The following MAGI2 variants were observed in gnomAD, a reference collection of about 807,000 sequenced individuals.
MAGI2 encodes membrane associated guanylate kinase, WW and PDZ domain containing 2.
In MAGI2, 35 loss-of-function variants were observed where a neutral mutation model predicts 133.3. The observed-to-expected ratio is 0.26, with a 90% CI of 0.20 to 0.35. MAGI2 has a LOEUF of 0.35. Among genes scored for constraint, MAGI2 ranks in the 10% least tolerant of loss-of-function variants. MAGI2 has a pLI of 1.00. For synonymous variants in MAGI2, 729 were observed against 710.6 expected (o/e 1.03, Z -0.41); for missense variants, 1,636 against 1,863.4 (o/e 0.88, Z 2.25).
At chr7:78,152,696 G>A (rs917619887) in intron 16 of MAGI2, among the ~76,000 whole-genome samples, 2 of 152,022 alleles carry the variant, frequency 1.3e-5, no homozygotes, top group Non-Finnish European at 2.9e-5. Flanking sequence ...GCTTATCTTC[G>A]GCTTCAATTA....
At chr7:78,703,630 T>C (rs1020595394) in intron 2 of MAGI2, among the ~76,000 whole-genome samples, 3 of 152,042 alleles carry the variant, frequency 2.0e-5, no homozygotes, top group Admixed American at 1.3e-4. Flanking sequence ...CACAAGCCAA[T>C]TGCTTCAAAT....
At chr7:79,353,808 T>C in intron 1 of MAGI2, 1 of 221,652 alleles carries the variant, frequency 4.5e-6, no homozygotes, top group South Asian at 6.2e-5. Flanking sequence ...TTTCACTGGG[T>C]GCTGGCAGGG....
At chr7:78,872,451 A>C (rs1795106811) in intron 2 of MAGI2, among the ~76,000 whole-genome samples, 1 of 152,166 alleles carries the variant, frequency 6.6e-6, no homozygotes, top group South Asian at 2.1e-4. Context: ...GCATTTGCTC[A>C]ATTCAACATA....
intron 20 of MAGI2, among the ~76,000 whole-genome samples, chr7:78,093,043 G>GGA (rs952922092): frequency 6.7e-6 from 1 of 149,254 alleles, no homozygotes; most frequent in Admixed American, 6.8e-5. Context: ...GGCTGAGGCA[G>GGA]GAGAATGGCG....
At chr7:78,419,033 C>G (rs1350456142) in intron 6 of MAGI2, among the ~76,000 whole-genome samples, 1 of 152,026 alleles carries the variant, frequency 6.6e-6, no homozygotes, top group African/African-American at 2.4e-5. Flanking sequence ...GACAGTTAGG[C>G]TATACATAAA....
intron 2 of MAGI2, among the ~76,000 whole-genome samples, chr7:78,719,521 T>C (rs1820051890): frequency 6.6e-6 from 1 of 152,196 alleles, no homozygotes; most frequent in African/African-American, 2.4e-5. Flanking sequence ...AACCACTACG[T>C]TTAAAAAAAT....
At chr7:78,723,368 T>C (rs911957683) in intron 2 of MAGI2, among the ~76,000 whole-genome samples, 16 of 152,182 alleles carry the variant, frequency 1.1e-4, no homozygotes, top group African/African-American at 3.9e-4. Context: ...CTAACACATT[T>C]GTAAGTGTGG....
At chr7:79,443,256 T>C (rs544338617) in intron 1 of MAGI2, among the ~76,000 whole-genome samples, 90 of 145,618 alleles carry the variant, frequency 6.2e-4, no homozygotes, top group Admixed American at 1.1e-3. Flanking sequence ...TGAACCTTAG[T>C]GTTTGAAGTG....
intron 6 of MAGI2, among the ~76,000 whole-genome samples, chr7:78,462,520 T>G (rs145686413): frequency 6.6e-6 from 1 of 152,200 alleles, no homozygotes; most frequent in Non-Finnish European, 1.5e-5. Flanking sequence ...TATTGCCATA[T>G]CTAGCAGTAT....
chr7:78,474,069 C>T lies in MAGI2; in HGVS notation c.1045+15692G>A, dbSNP rs79134179. Among the ~76,000 whole-genome samples the T allele has an allele frequency of 8.1e-3, 1,237 of 152,112 alleles. 32 individuals carry two copies. The East Asian group carries it at 0.088, about 11-fold the overall frequency. The stretch of plus-strand genomic sequence containing the variant: ...ATACCCTGCAGCCCCACAATAACAA[C>T]ATTAACCGGTGTGTTTTAGGCTTTA... On this transcript the variant is annotated intron_variant, in intron 6 of 21. Coordinates refer to ENST00000354212, the MANE Select transcript of MAGI2 (RefSeq NM_012301.4).
At chr7:78,692,232 A>G (rs548501999) in intron 2 of MAGI2, among the ~76,000 whole-genome samples, 1 of 152,342 alleles carries the variant, frequency 6.6e-6, no homozygotes, top group Admixed American at 6.5e-5. Context: ...ATGTTTGTAA[A>G]TAAACATACA....
intron 6 of MAGI2, among the ~76,000 whole-genome samples, chr7:78,461,621 G>A (rs1027564068): frequency 6.6e-6 from 1 of 151,958 alleles, no homozygotes. Flanking sequence ...ATGTAAAAAA[G>A]AAACAGCAGG....
chr7:78,649,712 G>C (rs1051721988), intron 2 of MAGI2, among the ~76,000 whole-genome samples: 1 of 152,032 alleles, frequency 6.6e-6, no homozygotes, highest in Non-Finnish European at 1.5e-5. Context: ...GTTTTGGCCT[G>C]GTCATCCCTG....
At chr7:78,844,760 T>A (rs1298343479) in intron 2 of MAGI2, among the ~76,000 whole-genome samples, 1 of 151,724 alleles carries the variant, frequency 6.6e-6, no homozygotes, top group Non-Finnish European at 1.5e-5. Context: ...GCAAATATAG[T>A]AAAACCCACT....
chr7:78,095,250 T>C (rs1817589751), intron 20 of MAGI2, among the ~76,000 whole-genome samples: 1 of 152,168 alleles, frequency 6.6e-6, no homozygotes, highest in Non-Finnish European at 1.5e-5. Context: ...TGGAAGATAG[T>C]AAATCTTTTT....
At position 78,019,042 on chromosome 7, in the gene MAGI2, C is replaced by T; in HGVS notation, c.*273G>A. On this transcript the variant is annotated 3_prime_UTR_variant, in exon 22 of 22. Coordinates refer to ENST00000354212, the MANE Select transcript of MAGI2 (RefSeq NM_012301.4). ...TTAAACTAAAGCTACACTGCACTGT[C>T]TCTCTGTGATGTTCTTCACGTTATT... 2.3e-6 allele frequency: 1 copy of T among 434,152 alleles called. No homozygotes were observed. 26.9% of individuals were successfully genotyped at this position (434,152 alleles called of 1,614,324 possible).
At chr7:79,433,403 A>C (rs1431401939) in intron 1 of MAGI2, among the ~76,000 whole-genome samples, 3 of 152,012 alleles carry the variant, frequency 2.0e-5, no homozygotes, top group Admixed American at 6.6e-5. Flanking sequence ...AATACAAAAA[A>C]TTAGCCGGGC....
At chr7:78,380,861 C>T (rs1343235678) in intron 6 of MAGI2, among the ~76,000 whole-genome samples, 3 of 152,122 alleles carry the variant, frequency 2.0e-5, no homozygotes. Context: ...AATATATGCA[C>T]ACACTGTGTA....
At chr7:78,384,722 T>TA (rs34963661) in intron 6 of MAGI2, among the ~76,000 whole-genome samples, 29,784 of 152,058 alleles carry the variant, frequency 0.2, 3,136 homozygotes, top group South Asian at 0.24. Flanking sequence ...AGTAAGGATT[T>TA]AAAAAAATGA....
Sources: gnomAD v4.1 joint callset for allele counts (sites outside exome capture counted in the v4.1 genomes callset) on GRCh38, gnomAD v4.1.1 for gene constraint, MANE v1.5 for transcripts, NCBI Gene and HGNC (gene_info 2026-07-23, HGNC 2026-07-21) for gene names.